Variants in ADAM32 observed in about 807,000 individuals in gnomAD.
The protein encoded by ADAM32 is ADAM metallopeptidase domain 32, also known as disintegrin and metalloproteinase domain-containing protein 32.
In ADAM32, 89 loss-of-function variants were observed where a neutral mutation model predicts 114.9. The ratio of observed to expected loss-of-function variants is 0.77; its 90% CI spans 0.65 to 0.92. The LOEUF is 0.92. Ranked by LOEUF, ADAM32 falls within the 40% of genes least tolerant of loss-of-function variation. The pLI is 0.00. For missense variants in ADAM32, 870 were observed against 932.8 expected, an observed-to-expected ratio of 0.93 and a Z score of 0.88; for synonymous variants, 285 against 307.5, an observed-to-expected ratio of 0.93 and a Z score of 0.77.
rs753582503 is a variant in ADAM32, at chr8:39,165,180, A to T, written c.817A>T (p.Ile273Phe). The change falls in exon 9 of 25, where the codon ATT becomes TTT. Residue 273 changes from isoleucine (I) to phenylalanine (F), a missense_variant. Physicochemically the swap from Ile to Phe is conservative, Grantham distance 21. Transcript: ENST00000379907. ...TTATCTTAACCTAAGGCCTCATGAT[A>T]TTGCATATCTACTAATGTAAGAATA... ...QSYLNLRPHD[I>F]AYLLIYMDYP... 2 of 1,566,428 alleles carry T rather than the reference A, an allele frequency of 1.3e-6. No individual in the cohort carries two copies. The highest frequency in any genetic ancestry group is 1.7e-6 in the Non-Finnish European group (2 of 1,153,478).
chr8:39,234,350 T>C (rs1463243574), intron 16 of ADAM32, among the ~76,000 whole-genome samples: 1 of 138,300 alleles, frequency 7.2e-6, no homozygotes, highest in Non-Finnish European at 1.5e-5. Flanking sequence ...GTCTTGGGAA[T>C]ATATTGTAGT....
At chr8:39,258,919 A>C (rs1811835778) in intron 19 of ADAM32, among the ~76,000 whole-genome samples, 1 of 152,186 alleles carries the variant, frequency 6.6e-6, no homozygotes, top group African/African-American at 2.4e-5. Flanking sequence ...ATAATATCTT[A>C]AATACAATTT....
intron 1 of ADAM32, chr8:39,108,103 C>G: frequency 2.5e-6 from 1 of 405,542 alleles, no homozygotes; most frequent in Non-Finnish European, 4.3e-6. Flanking sequence ...GGCAACACAG[C>G]AAGACCCCAT....
In ADAM32 at chr8:39,246,176, C is replaced by G. The variant is rs920257598; in HGVS notation, c.1902+10C>G. ...GTGTTCTGGACATGGAGTAAGTAACCACATGTTTCCCTGAATCACATTTCT... is the reference window on the plus strand; with the variant it reads ...GTGTTCTGGACATGGAGTAAGTAACGACATGTTTCCCTGAATCACATTTCT... On this transcript the variant is annotated intron_variant, in intron 17 of 24. Transcript: ENST00000379907. The G allele has an allele frequency of 1.2e-6, 2 of 1,602,832 alleles. No individual in the cohort carries two copies. The highest frequency in any genetic ancestry group is 2.7e-5 in the African/African-American group (2 of 74,342).
At position 39,151,808 on chromosome 8, in the gene ADAM32, C is replaced by T. The variant is rs568565193; in HGVS notation, c.525+260C>T. ...TCTCCTGAGTAGCTGGGACCACAGA[C>T]ATGCACCACCATACCAGACTAATTT... On this transcript the variant is annotated intron_variant, in intron 6 of 24. Transcript: ENST00000379907. Among the ~76,000 whole-genome samples, 146 of 151,278 alleles carry T rather than the reference C, an allele frequency of 9.7e-4. 1 individual carries two copies. Among genetic ancestry groups the T allele is most frequent in the Non-Finnish European group, 1.7e-3 (112 of 67,862 alleles).
At position 39,248,248 on chromosome 8, in the gene ADAM32, G is replaced by C. The variant is rs140907382; in HGVS notation, c.1902+2082G>C. Among the ~76,000 whole-genome samples the C allele has an allele frequency of 5.5e-3, 831 of 152,184 alleles. 10 individuals carry two copies. The highest frequency in any genetic ancestry group is 0.019 in the African/African-American group (792 of 41,526). On this transcript the variant is annotated intron_variant, in intron 17 of 24. Transcript: ENST00000379907. ...GAACACCTTGCTGGGATTTTGACAG[G>C]GATTGTGTTCCATCTATAGATCAAG...
intron 16 of ADAM32, among the ~76,000 whole-genome samples, chr8:39,237,006 C>T (rs780695082): frequency 7.9e-5 from 12 of 152,138 alleles, no homozygotes; most frequent in Non-Finnish European, 1.3e-4. Flanking sequence ...CTACAAACTT[C>T]GTGAAACACC....
At chr8:39,153,591 A>G (rs543806761) in intron 6 of ADAM32, among the ~76,000 whole-genome samples, 12 of 152,066 alleles carry the variant, frequency 7.9e-5, no homozygotes, top group Non-Finnish European at 1.6e-4. Context: ...GGAAAGGGTG[A>G]GTTTGGTTTC....
At chr8:39,144,769 T>A (rs1458073540) in intron 3 of ADAM32, among the ~76,000 whole-genome samples, 1 of 152,218 alleles carries the variant, frequency 6.6e-6, no homozygotes, top group East Asian at 1.9e-4. Context: ...CTATTTTCCT[T>A]CACCTCTTCT....
At chr8:39,187,384 G>T (rs2129447224) in intron 11 of ADAM32, among the ~76,000 whole-genome samples, 1 of 152,234 alleles carries the variant, frequency 6.6e-6, no homozygotes, top group East Asian at 1.9e-4. Flanking sequence ...CCATTCTCCT[G>T]CCTCGGCCTC....
chr8:39,132,771 C>A (rs988101750), intron 2 of ADAM32, among the ~76,000 whole-genome samples: 9 of 151,174 alleles, frequency 6.0e-5, no homozygotes, highest in African/African-American at 1.9e-4. Flanking sequence ...TTTCTTTCAG[C>A]ACTTTTTATG....
At chr8:39,233,081 G>C (rs1234679928) in intron 15 of ADAM32, among the ~76,000 whole-genome samples, 10 of 152,124 alleles carry the variant, frequency 6.6e-5, no homozygotes, top group African/African-American at 1.9e-4. Context: ...TACCAGAAAG[G>C]GGTCTGAATA....
chr8:39,236,950 G>C (rs1254390918), intron 16 of ADAM32, among the ~76,000 whole-genome samples: 1 of 152,094 alleles, frequency 6.6e-6, no homozygotes, highest in Non-Finnish European at 1.5e-5. Context: ...AACATAACAG[G>C]AAAACTTAAA....
chr8:39,202,679 G>A (rs1807509576), intron 11 of ADAM32, among the ~76,000 whole-genome samples: 1 of 152,112 alleles, frequency 6.6e-6, no homozygotes, highest in African/African-American at 2.4e-5. Flanking sequence ...GCTAGCTTTT[G>A]AATGTGTTTG....
At position 39,257,281 on chromosome 8, in the gene ADAM32, A is replaced by G; in HGVS notation, c.2100A>G (p.Ile700Met). The change falls in exon 19 of 25, where the codon ATA becomes ATG. Residue 700 changes from isoleucine to methionine, a missense_variant. Ile to Met is a conservative substitution (Grantham distance 10). Coordinates refer to ENST00000379907, the MANE Select transcript of ADAM32 (RefSeq NM_145004.7). ...ALPILIVTTA[I>M]VLARKQLKKW... Reference sequence around the variant, plus strand: ...CTATTCTCATTGTAACAACCGCAATAGTTTTGGCAAGGAAACAGTTGAAAA... The same window carrying G: ...CTATTCTCATTGTAACAACCGCAATGGTTTTGGCAAGGAAACAGTTGAAAA... The G allele has an allele frequency of 6.2e-7, 1 of 1,613,310 alleles. No homozygotes were observed. The highest frequency in any genetic ancestry group is 8.5e-7 in the Non-Finnish European group (1 of 1,179,540).
intron 11 of ADAM32, 97 bp from the exon 12 acceptor site, chr8:39,211,047 A>G (rs1371974926): frequency 9.3e-7 from 1 of 1,077,376 alleles, no homozygotes; most frequent in Non-Finnish European, 1.2e-6. Context: ...CATTTGTAAC[A>G]GCCAATTGAA....
chr8:39,134,922 G>A (rs113651333), intron 2 of ADAM32, among the ~76,000 whole-genome samples: 35,055 of 152,048 alleles, frequency 0.23, 4,705 homozygotes, highest in Non-Finnish European at 0.29. Flanking sequence ...TTGGGAGGCC[G>A]AGGTGGGCGA....
chr8:39,172,473 G>C (rs1216187294), intron 10 of ADAM32, among the ~76,000 whole-genome samples: 1 of 152,050 alleles, frequency 6.6e-6, no homozygotes, highest in African/African-American at 2.4e-5. Context: ...TTATCCTGGT[G>C]CTCTCCCTTC....
intron 23 of ADAM32, among the ~76,000 whole-genome samples, chr8:39,282,579 A>G (rs984981255): frequency 1.3e-5 from 2 of 152,208 alleles, no homozygotes; most frequent in Non-Finnish European, 2.9e-5. Flanking sequence ...TTTGGTGATT[A>G]TTCTTTCACT....
Sources: allele counts gnomAD v4.1 joint callset (sites outside exome capture counted in the v4.1 genomes callset), GRCh38; gene constraint gnomAD v4.1.1; transcripts MANE v1.5; gene names NCBI Gene and HGNC (gene_info 2026-07-23, HGNC 2026-07-21).